LRRC7: variants seen among roughly 807,000 people sequenced by gnomAD.
LRRC7 encodes leucine rich repeat containing 7.
LRRC7 carries 23 observed loss-of-function variants against 175.7 expected under a neutral mutation model. The observed-to-expected ratio is 0.13, with a 90% CI of 0.09 to 0.19. LRRC7 has a LOEUF of 0.19. Ranked by LOEUF, LRRC7 falls within the 10% of genes least tolerant of loss-of-function variation. The pLI, the probability that LRRC7 is intolerant of heterozygous loss-of-function variation, is 1.00. For synonymous variants in LRRC7, 685 were observed against 680.9 expected (o/e 1.01, Z -0.09); for missense variants, 1,354 against 1,904.7 (o/e 0.71, Z 5.38).
chr1:69,580,694 T>C (rs911154777), intron 1 of LRRC7, among the ~76,000 whole-genome samples: 4 of 152,228 alleles, frequency 2.6e-5, no homozygotes, highest in African/African-American at 9.6e-5. Flanking sequence ...TCATTCATTC[T>C]AAATATTTAC....
chr1:69,717,798 G>A (rs1310985579), intron 2 of LRRC7, among the ~76,000 whole-genome samples: 4 of 19,734 alleles, frequency 2.0e-4, no homozygotes, highest in South Asian at 2.2e-3. Context: ...AAGAAAGAAA[G>A]AAAGAAAGAA....
In LRRC7 at chr1:69,568,299, T is replaced by C. The variant is rs1035002932; in HGVS notation, c.-341T>C. 1.4e-5 allele frequency: 3 copies of C among 207,456 alleles called. No individual in the cohort carries two copies. Among genetic ancestry groups the C allele is most frequent in the Admixed American group, 6.4e-5 (1 of 15,632 alleles). The allele number at this position is 207,456 out of a possible 1,614,324, so 12.9% of individuals were successfully genotyped here. The stretch of plus-strand genomic sequence containing the variant: ...CCGCCACCGCCGCCGCCGCCGCCGC[T>C]GCTGCTGCGGTCGCTAGCGCGGCGC... On this transcript the variant is annotated 5_prime_UTR_variant, in exon 1 of 27. Coordinates refer to ENST00000651989, the MANE Select transcript of LRRC7 (RefSeq NM_001370785.2).
intron 15 of LRRC7, 105 bp downstream of exon 15, chr1:70,018,923 T>A (rs1657195784): frequency 1.4e-6 from 1 of 737,888 alleles, no homozygotes; most frequent in Admixed American, 2.3e-5. Context: ...TGGACAAGCT[T>A]ATAAAGATAA....
At chr1:69,658,987 A>G (rs1657047908) in intron 1 of LRRC7, among the ~76,000 whole-genome samples, 1 of 152,050 alleles carries the variant, frequency 6.6e-6, no homozygotes, top group African/African-American at 2.4e-5. Context: ...GAGAGGTTAC[A>G]AGAAATTGGA....
chr1:69,941,060 T>C (rs1237470542), intron 8 of LRRC7, among the ~76,000 whole-genome samples: 1 of 152,002 alleles, frequency 6.6e-6, no homozygotes, highest in Non-Finnish European at 1.5e-5. Flanking sequence ...GCCATGCAAA[T>C]ATCTGGCTGG....
At chr1:69,679,135 G>A (rs1003188720) in intron 2 of LRRC7, among the ~76,000 whole-genome samples, 3 of 151,994 alleles carry the variant, frequency 2.0e-5, no homozygotes, top group Non-Finnish European at 4.4e-5. Context: ...GATTGTTGGA[G>A]ACTCTTGACA....
At chr1:69,697,411 T>C (rs1662747134) in intron 2 of LRRC7, among the ~76,000 whole-genome samples, 1 of 152,252 alleles carries the variant, frequency 6.6e-6, no homozygotes, top group Admixed American at 6.5e-5. Flanking sequence ...ATTCTCTGTA[T>C]AGTAAGCACT....
At chr1:69,930,935 G>T (rs116770069) in intron 7 of LRRC7, among the ~76,000 whole-genome samples, 4 of 151,448 alleles carry the variant, frequency 2.6e-5, no homozygotes, top group African/African-American at 9.8e-5. Flanking sequence ...CTCAGTATAC[G>T]ATTATGGGGA....
chr1:69,888,291 C>G (rs1158511468), intron 7 of LRRC7, among the ~76,000 whole-genome samples: 1 of 152,164 alleles, frequency 6.6e-6, no homozygotes, highest in African/African-American at 2.4e-5. Context: ...GTAGGACCCT[C>G]GGATCCAGGT....
At chr1:69,837,343 A>G (rs1262012135) in intron 6 of LRRC7, among the ~76,000 whole-genome samples, 1 of 151,930 alleles carries the variant, frequency 6.6e-6, no homozygotes, top group Non-Finnish European at 1.5e-5. Context: ...ATAATAGCCA[A>G]TTCTTATTAA....
At chr1:70,073,072 T>G (rs940909056) in intron 23 of LRRC7, among the ~76,000 whole-genome samples, 3 of 152,234 alleles carry the variant, frequency 2.0e-5, no homozygotes, top group African/African-American at 7.2e-5. Flanking sequence ...ACTTAACCTC[T>G]TCCACCCTTA....
intron 23 of LRRC7, 35 bp from the exon 24 acceptor site, chr1:70,076,042 A>G (rs754095553): frequency 1.7e-5 from 28 of 1,608,362 alleles, no homozygotes; most frequent in Non-Finnish European, 2.2e-5. Context: ...TTTCAGCACC[A>G]TGAATCTTTG....
chr1:69,761,565 A>G (rs530721183), intron 3 of LRRC7, among the ~76,000 whole-genome samples: 22 of 152,072 alleles, frequency 1.4e-4, no homozygotes, highest in African/African-American at 5.1e-4. Context: ...GTCATCTGGG[A>G]TATTTCCTTA....
At chr1:69,579,473 T>C (rs1369958457) in intron 1 of LRRC7, among the ~76,000 whole-genome samples, 1 of 152,170 alleles carries the variant, frequency 6.6e-6, no homozygotes, top group Non-Finnish European at 1.5e-5. Context: ...CATTCATTCA[T>C]TCCCAGCATC....
chr1:69,766,712 C>T (rs895043209), intron 3 of LRRC7, among the ~76,000 whole-genome samples: 5 of 152,142 alleles, frequency 3.3e-5, no homozygotes, highest in African/African-American at 1.2e-4. Context: ...TGTGAACTAA[C>T]ATTCTCTTTC....
intron 7 of LRRC7, among the ~76,000 whole-genome samples, chr1:69,875,257 C>A (rs1024505665): frequency 6.6e-6 from 1 of 151,960 alleles, no homozygotes; most frequent in Non-Finnish European, 1.5e-5. Flanking sequence ...AAATCTTATA[C>A]AGCAGCAATA....
chr1:69,637,159 T>C (rs977778792), intron 1 of LRRC7, among the ~76,000 whole-genome samples: 2 of 151,728 alleles, frequency 1.3e-5, no homozygotes, highest in Non-Finnish European at 2.9e-5. Context: ...AACACCTAGA[T>C]TCAGTGCGGG....
rs887910363 is a variant in LRRC7 at position 69,919,955 on chromosome 1, AGGGGGCCCTTCCAGACT to A, written c.648-11525_648-11509del. On this transcript the variant is annotated intron_variant, in intron 7 of 26. Coordinates refer to ENST00000651989, the MANE Select transcript of LRRC7 (RefSeq NM_001370785.2). ...ATTTATTGTTACCAAAATGGCTGGGAGGGGGCCCTTCCAGACTGGGGGCCCTTCCAGACTGGGGGCCC... is the reference window on the plus strand; with the variant it reads ...ATTTATTGTTACCAAAATGGCTGGGAGGGGGCCCTTCCAGACTGGGGGCCC... 6.8e-4 allele frequency: 397 copies of A among 585,038 alleles called. 1 individual carries two copies. The highest frequency in any genetic ancestry group is 1.4e-3 in the African/African-American group (75 of 53,274). 36.2% of individuals were successfully genotyped at this position (585,038 alleles called of 1,614,324 possible).
chr1:69,811,326 T>A (rs1405207079), intron 4 of LRRC7, among the ~76,000 whole-genome samples: 1 of 151,848 alleles, frequency 6.6e-6, no homozygotes, highest in Non-Finnish European at 1.5e-5. Context: ...TTGGTGGGAG[T>A]GTAAATTAGT....
Sources: gnomAD v4.1 joint callset for allele counts (sites outside exome capture counted in the v4.1 genomes callset) on GRCh38, gnomAD v4.1.1 for gene constraint, MANE v1.5 for transcripts, NCBI Gene and HGNC (gene_info 2026-07-23, HGNC 2026-07-21) for gene names.